Variants in SLCO1B3 observed in about 807,000 individuals in gnomAD.
SLCO1B3 encodes the protein solute carrier organic anion transporter family member 1B3, also known as liver-specific organic anion transporter 2.
A neutral mutation model predicts 71.8 loss-of-function variants in SLCO1B3; 72 were observed. The ratio of observed to expected loss-of-function variants is 1.00; its 90% confidence interval spans 0.83 to 1.22. The LOEUF is 1.22. Ranked by LOEUF, SLCO1B3 falls within the 50% of genes most tolerant of loss-of-function variation. SLCO1B3 has a pLI of 0.00. For missense variants in SLCO1B3, 911 were observed against 819.7 expected, an observed-to-expected ratio of 1.11 and a Z score of -1.36; for synonymous variants, 298 against 278.4, an observed-to-expected ratio of 1.07 and a Z score of -0.70.
At chr12:20,890,392 T>A (rs530605090) in intron 13 of SLCO1B3, among the ~76,000 whole-genome samples, 6 of 152,288 alleles carry the variant, frequency 3.9e-5, no homozygotes, top group South Asian at 2.1e-4. Context: ...TTTTGAGTTT[T>A]AAAAAAAATC....
intron 9 of SLCO1B3, among the ~76,000 whole-genome samples, chr12:20,876,438 A>G (rs1162434259): frequency 6.6e-6 from 1 of 152,154 alleles, no homozygotes; most frequent in Non-Finnish European, 1.5e-5. Flanking sequence ...AAACTTACAA[A>G]CTTTCCAAAG....
chr12:20,818,407 G>C (rs1218439992), intron 3 of SLCO1B3, among the ~76,000 whole-genome samples: 1 of 152,142 alleles, frequency 6.6e-6, no homozygotes, highest in African/African-American at 2.4e-5. Flanking sequence ...GGGAAGAAAT[G>C]ACTGCAGTGG....
At chr12:20,873,087 T>C (rs1364949705) in intron 8 of SLCO1B3, among the ~76,000 whole-genome samples, 1 of 152,156 alleles carries the variant, frequency 6.6e-6, no homozygotes, top group African/African-American at 2.4e-5. Context: ...TCCCTTCCCA[T>C]GGAGAATTTG....
chr12:20,891,487 G>A lies in SLCO1B3; in HGVS notation c.1683-6949G>A, dbSNP rs1019469188. The stretch of plus-strand genomic sequence containing the variant: ...TTTTGTTGACTTTGAGTAGTCTGAT[G>A]ACTATATGTCTTGTGCTGGTTATTC... On this transcript the variant is annotated intron_variant, in intron 13 of 15. Coordinates refer to ENST00000381545, the MANE Select transcript of SLCO1B3 (RefSeq NM_019844.4). Among the ~76,000 whole-genome samples, 3 of 152,002 alleles carry A rather than the reference G, an allele frequency of 2.0e-5. No homozygotes were observed. The East Asian group carries it at 5.8e-4, about 29-fold the overall frequency.
chr12:20,840,665 T>A (rs546888481), intron 3 of SLCO1B3, among the ~76,000 whole-genome samples: 1 of 152,028 alleles, frequency 6.6e-6, no homozygotes, highest in Non-Finnish European at 1.5e-5. Context: ...TGTCAATTTT[T>A]AAAAAAATGT....
At position 20,822,134 on chromosome 12, in the gene SLCO1B3, G is replaced by A. The variant is rs375459933; in HGVS notation, c.84+6312G>A. Among the ~76,000 whole-genome samples the A allele has an allele frequency of 2.4e-4, 36 of 152,268 alleles. No individual in the cohort carries two copies. The East Asian group carries it at 5.0e-3, about 21-fold the overall frequency. ...CTCACGGAGCAAAGAGCAGGAGGAC[G>A]GGGGATTGATCTCCCAAGGGAGGTC... On this transcript the variant is annotated intron_variant, in intron 3 of 15. Coordinates refer to ENST00000381545, the MANE Select transcript of SLCO1B3 (RefSeq NM_019844.4).
At chr12:20,870,030 A>C (rs902635103) in intron 8 of SLCO1B3, among the ~76,000 whole-genome samples, 5 of 152,112 alleles carry the variant, frequency 3.3e-5, no homozygotes, top group African/African-American at 4.8e-5. Flanking sequence ...AGCCATCCTA[A>C]TGGGTGTATG....
rs951609319 is a variant in SLCO1B3, at chr12:20,855,253, C to T, written c.226+84C>T. ...TCATGCATGCTTTATATCACTGGGT[C>T]TGGACTAGGTGTAAATTTGTCTCTC... On this transcript the variant is annotated intron_variant, in intron 4 of 15. Transcript: ENST00000381545. 2.5e-6 allele frequency: 3 copies of T among 1,177,138 alleles called. No individual in the cohort carries two copies. In the South Asian group the frequency reaches 4.3e-5, roughly 17 times the overall value. 72.9% of individuals were successfully genotyped at this position (1,177,138 alleles called of 1,614,324 possible). A position where few individuals can be genotyped will look rare whatever the true frequency, so the allele number is the denominator to read the frequency against.
chr12:20,871,954 C>T (rs1277870586), intron 8 of SLCO1B3, among the ~76,000 whole-genome samples: 1 of 152,162 alleles, frequency 6.6e-6, no homozygotes, highest in African/African-American at 2.4e-5. Flanking sequence ...GGTTTGTATC[C>T]TTCCCTTCAA....
In SLCO1B3 at chr12:20,893,401, A is replaced by G. The variant is rs367741720; in HGVS notation, c.1683-5035A>G. Among the ~76,000 whole-genome samples, 17 of 152,350 alleles carry G rather than the reference A, an allele frequency of 1.1e-4. No homozygotes were observed. The East Asian group carries it at 2.3e-3, about 21-fold the overall frequency. On this transcript the variant is annotated intron_variant, in intron 13 of 15. Transcript: ENST00000381545. ...GATGAGAGTTGTGATGTGCCATTCT[A>G]TAGCTAACTTCAGCAAGGAGGTTAG... is the stretch of plus-strand genomic sequence containing the variant.
At position 20,888,952 on chromosome 12, in the gene SLCO1B3, C is replaced by T. The variant is rs74887794; in HGVS notation, c.1682+5350C>T. 1.3e-3 allele frequency among the ~76,000 whole-genome samples: 200 copies of T among 151,998 alleles called. 4 individuals carry two copies. The East Asian group carries it at 0.028, about 22-fold the overall frequency. ...TTCTGCATCAATTTATTTTATCATA[C>T]GCTTTTTGAAAAAAGATTTCTGTTA... On this transcript the variant is annotated intron_variant, in intron 13 of 15. Transcript: ENST00000381545.
intron 15 of SLCO1B3, among the ~76,000 whole-genome samples, chr12:20,909,764 G>A (rs756704464): frequency 2.0e-5 from 3 of 152,060 alleles, no homozygotes; most frequent in Non-Finnish European, 4.4e-5. Flanking sequence ...AAACAGGAGT[G>A]CAGTGGCACC....
chr12:20,844,250 A>T (rs1301177663), intron 3 of SLCO1B3, among the ~76,000 whole-genome samples: 1 of 152,050 alleles, frequency 6.6e-6, no homozygotes, highest in Non-Finnish European at 1.5e-5. Flanking sequence ...ACATATATAT[A>T]TGTATGTATT....
rs564188382 is a variant in SLCO1B3 at position 20,815,661 on chromosome 12, T to C, written c.-65-13T>C. 21 of 919,604 alleles carry C rather than the reference T, an allele frequency of 2.3e-5. No homozygotes were observed. Among genetic ancestry groups the C allele is most frequent in the Non-Finnish European group, 3.3e-5 (19 of 583,362 alleles). 57.0% of individuals were successfully genotyped at this position (919,604 alleles called of 1,614,324 possible). A position where few individuals can be genotyped will look rare whatever the true frequency, so the allele number is the denominator to read the frequency against. ...TTAAAGTAAAATAAATTATACTTTT[T>C]CTTTTTTAACAGGTGATCATTTCAA... is the stretch of plus-strand genomic sequence containing the variant. On this transcript the variant is annotated splice_polypyrimidine_tract_variant and intron_variant, in intron 2 of 15. Coordinates refer to ENST00000381545, the MANE Select transcript of SLCO1B3 (RefSeq NM_019844.4).
At chr12:20,904,604 A>C (rs1866198360) in intron 15 of SLCO1B3, among the ~76,000 whole-genome samples, 1 of 152,052 alleles carries the variant, frequency 6.6e-6, no homozygotes, top group South Asian at 2.1e-4. Context: ...TCTGGAGGAC[A>C]GTGGCCCTCT....
At chr12:20,883,124 A>G (rs1449806906) in intron 12 of SLCO1B3, among the ~76,000 whole-genome samples, 3 of 152,152 alleles carry the variant, frequency 2.0e-5, no homozygotes, top group Admixed American at 6.6e-5. Flanking sequence ...AATACTTAGA[A>G]CCTGCCAAAG....
intron 13 of SLCO1B3, among the ~76,000 whole-genome samples, chr12:20,885,366 T>C (rs1002516220): frequency 1.3e-5 from 2 of 152,122 alleles, no homozygotes; most frequent in African/African-American, 4.8e-5. Context: ...CACAAATCCA[T>C]GCACTGAGGA....
intron 3 of SLCO1B3, among the ~76,000 whole-genome samples, chr12:20,824,657 A>G (rs9971763): frequency 0.99 from 151,486 of 152,268 alleles, 75,355 homozygotes; most frequent in Non-Finnish European, 1. Flanking sequence ...TATATTTTTG[A>G]AACACATAAT....
chr12:20,857,526 A>G (rs1367449728), intron 4 of SLCO1B3, among the ~76,000 whole-genome samples: 1 of 151,292 alleles, frequency 6.6e-6, no homozygotes, highest in African/African-American at 2.4e-5. Flanking sequence ...TAAATTTTTA[A>G]TTATATTTTA....
Sources: gnomAD v4.1 joint callset for allele counts (sites outside exome capture counted in the v4.1 genomes callset) on GRCh38, gnomAD v4.1.1 for gene constraint, MANE v1.5 for transcripts, NCBI Gene and HGNC (gene_info 2026-07-23, HGNC 2026-07-21) for gene names.